INPP4B: variants seen among roughly 807,000 people sequenced by gnomAD.
INPP4B encodes the protein inositol polyphosphate-4-phosphatase type II B, also known as inositol polyphosphate 4-phosphatase type II.
INPP4B carries 55 observed loss-of-function variants against 122.5 expected under a neutral mutation model. The observed-to-expected ratio is 0.45, with a 90% CI of 0.36 to 0.56. The LOEUF (loss-of-function observed/expected upper bound fraction) is 0.56, where lower values mean the gene tolerates loss of function less well. Ranked by LOEUF, INPP4B falls within the 20% of genes least tolerant of loss-of-function variation. INPP4B has a pLI of 0.00. For missense variants in INPP4B, 1,000 were observed against 1,097.7 expected, an observed-to-expected ratio of 0.91 and a Z score of 1.26; for synonymous variants, 403 against 388.7, an observed-to-expected ratio of 1.04 and a Z score of -0.43.
At chr4:142,643,068 TTGTC>T (rs1467329182) in intron 2 of INPP4B, among the ~76,000 whole-genome samples, 1 of 152,212 alleles carries the variant, frequency 6.6e-6, no homozygotes, top group Admixed American at 6.5e-5. Flanking sequence ...GACTCTCTCT[TTGTC>T]TGTTATTGGT....
At chr4:142,280,292 G>A (rs934227295) in intron 9 of INPP4B, among the ~76,000 whole-genome samples, 2 of 151,828 alleles carry the variant, frequency 1.3e-5, no homozygotes, top group African/African-American at 4.8e-5. Context: ...GGAAACAATA[G>A]AAATATCCTT....
chr4:142,051,923 G>T (rs1485026864), intron 25 of INPP4B, among the ~76,000 whole-genome samples: 1 of 151,904 alleles, frequency 6.6e-6, no homozygotes, highest in Non-Finnish European at 1.5e-5. Flanking sequence ...ACAAATCTGT[G>T]GGTCCAGAAC....
chr4:142,384,240 ATTAG>A (rs1182098825), intron 7 of INPP4B: 17 of 645,572 alleles, frequency 2.6e-5, no homozygotes, highest in East Asian at 1.9e-4. Flanking sequence ...TATTAACTCA[ATTAG>A]TTAGTAACAA....
chr4:142,832,184 A>C (rs1003307867), intron 1 of INPP4B, among the ~76,000 whole-genome samples: 1 of 152,128 alleles, frequency 6.6e-6, no homozygotes, highest in Non-Finnish European at 1.5e-5. Context: ...TGATGAGTAA[A>C]ATTTTTAAGT....
intron 17 of INPP4B, among the ~76,000 whole-genome samples, chr4:142,146,817 A>G (rs896478314): frequency 6.6e-6 from 1 of 152,166 alleles, no homozygotes; most frequent in African/African-American, 2.4e-5. Context: ...GAGCTACATA[A>G]TAAGTCATTT....
chr4:142,258,173 C>T (rs1389284218), intron 11 of INPP4B, among the ~76,000 whole-genome samples: 3 of 152,078 alleles, frequency 2.0e-5, no homozygotes, highest in Non-Finnish European at 4.4e-5. Flanking sequence ...AAACTGGATC[C>T]CTTCCTTATA....
chr4:142,237,335 C>T (rs893087149), intron 12 of INPP4B, among the ~76,000 whole-genome samples: 1 of 151,846 alleles, frequency 6.6e-6, no homozygotes, highest in Non-Finnish European at 1.5e-5. Context: ...CCAAGGTATC[C>T]ACAGAAATAT....
At chr4:142,615,756 C>G (rs1743557925) in intron 2 of INPP4B, among the ~76,000 whole-genome samples, 1 of 152,002 alleles carries the variant, frequency 6.6e-6, no homozygotes, top group Non-Finnish European at 1.5e-5. Context: ...GTCCCCTTGG[C>G]CAAGAAAGTG....
intron 12 of INPP4B, among the ~76,000 whole-genome samples, chr4:142,229,167 T>G (rs985505338): frequency 7.3e-5 from 11 of 151,604 alleles, no homozygotes; most frequent in African/African-American, 2.7e-4. Flanking sequence ...TAATATATAT[T>G]GATGTATAAT....
At chr4:142,304,256 T>G (rs760728025) in intron 9 of INPP4B, among the ~76,000 whole-genome samples, 11 of 152,238 alleles carry the variant, frequency 7.2e-5, no homozygotes, top group Non-Finnish European at 1.5e-4. Context: ...GCTGACCGTT[T>G]ACACCTCAAA....
At chr4:142,747,276 A>G in intron 1 of INPP4B, among the ~76,000 whole-genome samples, 1 of 152,206 alleles carries the variant, frequency 6.6e-6, no homozygotes, top group East Asian at 1.9e-4. Context: ...AAAAAAGCTC[A>G]TCATCACTGG....
At chr4:142,544,130 GGT>G (rs1553955540) in intron 2 of INPP4B, among the ~76,000 whole-genome samples, 2 of 133,126 alleles carry the variant, frequency 1.5e-5, no homozygotes, top group African/African-American at 5.7e-5. Context: ...GTGTGTGTGT[GGT>G]GTGTGTGTGT....
chr4:142,748,319 TA>T, intron 1 of INPP4B, among the ~76,000 whole-genome samples: 1 of 151,628 alleles, frequency 6.6e-6, no homozygotes, highest in African/African-American at 2.4e-5. Context: ...GTTTCTGACT[TA>T]AAAAAATGAA....
chr4:142,624,465 T>C (rs1214022510), intron 2 of INPP4B, among the ~76,000 whole-genome samples: 1 of 152,028 alleles, frequency 6.6e-6, no homozygotes, highest in Non-Finnish European at 1.5e-5. Context: ...ATGCTGGATA[T>C]TAGCCCTTTG....
At chr4:142,423,354 G>A (rs1490689697) in intron 5 of INPP4B, among the ~76,000 whole-genome samples, 2 of 151,996 alleles carry the variant, frequency 1.3e-5, no homozygotes, top group Non-Finnish European at 2.9e-5. Context: ...TTGTCAGTTG[G>A]GGCACATTTC....
At chr4:142,365,241 G>A (rs1054638267) in intron 7 of INPP4B, among the ~76,000 whole-genome samples, 26 of 152,240 alleles carry the variant, frequency 1.7e-4, no homozygotes, top group Admixed American at 2.0e-4. Context: ...ATAAACAATA[G>A]GAGAGCAAGG....
chr4:142,067,199 C>T (rs543316400), intron 25 of INPP4B, among the ~76,000 whole-genome samples: 4 of 152,302 alleles, frequency 2.6e-5, no homozygotes, highest in East Asian at 3.9e-4. Context: ...GCTGGTGATA[C>T]CCAGGCAAAC....
chr4:142,160,545 T>G lies in INPP4B; in HGVS notation c.1376A>C (p.His459Pro), dbSNP rs763567614. 3 of 1,597,120 alleles carry G rather than the reference T, an allele frequency of 1.9e-6. No individual in the cohort carries two copies. The highest frequency in any genetic ancestry group is 2.6e-6 in the Non-Finnish European group (3 of 1,166,954). Residue 459 changes from histidine (H) to proline (P), a missense_variant, in exon 17 of 26, where the codon CAT becomes CCT. Coordinates refer to ENST00000262992, the MANE Select transcript of INPP4B (RefSeq NM_001101669.3). ...MLSEKTELFV[H>P]AFKDQLVRSA... ...CCTGACAAGTTGATCCTTGAAGGCA[T>G]GTACAAAAAGCTCTGTCTGGAAAGA... is the stretch of plus-strand genomic sequence containing the variant.
intron 2 of INPP4B, among the ~76,000 whole-genome samples, chr4:142,596,042 T>C (rs1305429704): frequency 6.6e-6 from 1 of 151,988 alleles, no homozygotes; most frequent in Non-Finnish European, 1.5e-5. Context: ...AGAGACAAGG[T>C]TCCACCATAT....
Sources: gnomAD v4.1 joint callset for allele counts (sites outside exome capture counted in the v4.1 genomes callset) on GRCh38, gnomAD v4.1.1 for gene constraint, MANE v1.5 for transcripts, NCBI Gene and HGNC (gene_info 2026-07-23, HGNC 2026-07-21) for gene names.